The following PRKG1 variants were observed in gnomAD, a reference collection of about 807,000 sequenced individuals.
The protein encoded by PRKG1 is protein kinase cGMP-dependent 1, also known as cGMP-dependent protein kinase 1.
A neutral mutation model predicts 88.1 loss-of-function variants in PRKG1; 35 were observed. That is an observed-to-expected ratio of 0.40 (90% CI 0.30 to 0.53). The LOEUF (loss-of-function observed/expected upper bound fraction) is 0.53, where lower values mean the gene tolerates loss of function less well. Among genes scored for constraint, PRKG1 ranks in the 20% least tolerant of loss-of-function variants. The probability of loss-of-function intolerance (pLI) is 0.59; values close to 1 mark genes in which losing one functional copy is unlikely to be tolerated. For synonymous variants in PRKG1, 303 were observed against 292.5 expected, an observed-to-expected ratio of 1.04 and a Z score of -0.37; for missense variants, 540 against 839.8, an observed-to-expected ratio of 0.64 and a Z score of 4.41.
At chr10:51,590,346 G>A (rs557685059) in intron 3 of PRKG1, among the ~76,000 whole-genome samples, 28 of 152,274 alleles carry the variant, frequency 1.8e-4, no homozygotes, top group African/African-American at 6.3e-4. Context: ...TTGGAGAATA[G>A]GTGGCATATG....
intron 1 of PRKG1, among the ~76,000 whole-genome samples, chr10:51,047,620 A>C (rs1843506951): frequency 3.1e-5 from 1 of 32,784 alleles, no homozygotes; most frequent in Admixed American, 3.2e-4. Flanking sequence ...TTATTTCCAA[A>C]AAAAAAAAAA....
chr10:51,948,413 A>G (rs958174177), intron 5 of PRKG1, among the ~76,000 whole-genome samples: 2 of 152,184 alleles, frequency 1.3e-5, no homozygotes, highest in Non-Finnish European at 1.5e-5. Flanking sequence ...TTGAACTATT[A>G]CAAACATTTA....
At chr10:52,047,449 G>A (rs75987590) in intron 5 of PRKG1, among the ~76,000 whole-genome samples, 23 of 152,262 alleles carry the variant, frequency 1.5e-4, no homozygotes, top group African/African-American at 5.1e-4. Context: ...GTTTACAGAT[G>A]TGATAGCTAA....
At chr10:51,130,203 T>A (rs1589177732) in intron 1 of PRKG1, among the ~76,000 whole-genome samples, 1 of 152,164 alleles carries the variant, frequency 6.6e-6, no homozygotes. Context: ...ACCTCTTCTC[T>A]CCTCCATTCT....
intron 1 of PRKG1, among the ~76,000 whole-genome samples, chr10:50,997,898 C>A (rs906934608): frequency 2.0e-5 from 3 of 152,108 alleles, no homozygotes; most frequent in African/African-American, 7.2e-5. Context: ...AACACATACA[C>A]ACGTGTCAAA....
chr10:52,280,540 T>G (rs1464600095), intron 12 of PRKG1, among the ~76,000 whole-genome samples: 1 of 152,168 alleles, frequency 6.6e-6, no homozygotes, highest in African/African-American at 2.4e-5. Flanking sequence ...TGTGTTGAAC[T>G]ATTCTTTCAG....
chr10:51,426,990 G>T (rs1328327471), intron 2 of PRKG1, among the ~76,000 whole-genome samples: 5 of 152,064 alleles, frequency 3.3e-5, no homozygotes, highest in Non-Finnish European at 7.4e-5. Flanking sequence ...CTGGTTGGTT[G>T]GTTGGTGATT....
At chr10:52,218,448 G>A (rs577877245) in intron 9 of PRKG1, among the ~76,000 whole-genome samples, 1 of 152,010 alleles carries the variant, frequency 6.6e-6, no homozygotes, top group South Asian at 2.1e-4. Context: ...AATGTTTTTA[G>A]GCTTCTGGTT....
chr10:51,643,858 A>T (rs537619225), intron 3 of PRKG1, among the ~76,000 whole-genome samples: 1 of 152,212 alleles, frequency 6.6e-6, no homozygotes, highest in Non-Finnish European at 1.5e-5. Context: ...TAAGCAAACA[A>T]TCAATGAAAC....
chr10:52,119,903 G>C (rs73342961), intron 7 of PRKG1, among the ~76,000 whole-genome samples: 4,197 of 152,164 alleles, frequency 0.028, 219 homozygotes, highest in African/African-American at 0.094. Context: ...AGGCATGAGA[G>C]AGAGACAGAG....
chr10:51,746,120 A>G lies in PRKG1; in HGVS notation c.593-58465A>G, dbSNP rs551804938. 1.6e-4 allele frequency among the ~76,000 whole-genome samples: 25 copies of G among 152,272 alleles called. No homozygotes were observed. The South Asian group carries it at 5.2e-3, about 32-fold the overall frequency. On this transcript the variant is annotated intron_variant, in intron 3 of 17. Transcript: ENST00000373980. Reference sequence around the variant, plus strand: ...CGCCTTAGCCTCCCAAAGTGCTGGCATTACAGGCATGAGCTACAATGCATG... The same window carrying G: ...CGCCTTAGCCTCCCAAAGTGCTGGCGTTACAGGCATGAGCTACAATGCATG...
At chr10:51,661,417 A>G (rs1164711776) in intron 3 of PRKG1, among the ~76,000 whole-genome samples, 4 of 152,200 alleles carry the variant, frequency 2.6e-5, no homozygotes, top group African/African-American at 7.2e-5. Flanking sequence ...AAGTGGGCAA[A>G]GGATATGAAC....
chr10:51,591,654 G>T (rs374121893), intron 3 of PRKG1, among the ~76,000 whole-genome samples: 1 of 152,092 alleles, frequency 6.6e-6, no homozygotes, highest in Non-Finnish European at 1.5e-5. Flanking sequence ...GGCTGTGGGG[G>T]TTGTTAAAAA....
chr10:51,229,156 T>C (rs139021013), intron 2 of PRKG1, among the ~76,000 whole-genome samples: 9 of 152,324 alleles, frequency 5.9e-5, no homozygotes, highest in Admixed American at 5.9e-4. Context: ...ATTTTTATGA[T>C]GATTTTGTTA....
intron 5 of PRKG1, among the ~76,000 whole-genome samples, chr10:51,980,714 T>C (rs1431959557): frequency 6.6e-6 from 1 of 152,244 alleles, no homozygotes; most frequent in Non-Finnish European, 1.5e-5. Flanking sequence ...CTTGTTGAAT[T>C]GAACCCTTTA....
In PRKG1 at chr10:51,751,962, C is replaced by T. The variant is rs932271410; in HGVS notation, c.593-52623C>T. Among the ~76,000 whole-genome samples, 3 of 152,248 alleles carry T rather than the reference C, an allele frequency of 2.0e-5. No homozygotes were observed. The East Asian group carries it at 5.8e-4, about 29-fold the overall frequency. ...AATAGTCAGTGCATATACATTTTATCTTTTACGTGCATGCTGGTGACTATT... is the reference window on the plus strand; with the variant it reads ...AATAGTCAGTGCATATACATTTTATTTTTTACGTGCATGCTGGTGACTATT... On this transcript the variant is annotated intron_variant, in intron 3 of 17. Transcript: ENST00000373980.
intron 7 of PRKG1, among the ~76,000 whole-genome samples, chr10:52,095,474 G>C (rs992986923): frequency 6.6e-6 from 1 of 151,958 alleles, no homozygotes; most frequent in African/African-American, 2.4e-5. Flanking sequence ...TCCTAACTGT[G>C]CCCTCCCTGA....
chr10:51,548,691 A>G (rs1842504590), intron 3 of PRKG1, among the ~76,000 whole-genome samples: 1 of 152,086 alleles, frequency 6.6e-6, no homozygotes, highest in East Asian at 1.9e-4. Context: ...TCTCTTTTAT[A>G]TTTATGGAGG....
chr10:52,204,093 TATTATTA>T lies in PRKG1; in HGVS notation c.1076+42131_1076+42137del, dbSNP rs1413588085. On this transcript the variant is annotated intron_variant, in intron 9 of 17. Coordinates refer to ENST00000373980, the MANE Select transcript of PRKG1 (RefSeq NM_006258.4). ...CGCTGGTTATTATTATTATTATTAT[TATTATTA>T]TTATTATTTTTTGTTTTTGAGATGG... Among the ~76,000 whole-genome samples the T allele has an allele frequency of 2.1e-4, 15 of 69,920 alleles. No homozygotes were observed. The South Asian group carries it at 6.3e-3, about 29-fold the overall frequency. 45.9% of individuals were successfully genotyped at this position (69,920 alleles called of 152,430 possible).
Sources: gnomAD v4.1 joint callset for allele counts (sites outside exome capture counted in the v4.1 genomes callset) on GRCh38, gnomAD v4.1.1 for gene constraint, MANE v1.5 for transcripts, NCBI Gene and HGNC (gene_info 2026-07-23, HGNC 2026-07-21) for gene names.